Variants in SRGAP1 observed in about 807,000 individuals in gnomAD.
SRGAP1 encodes SLIT-ROBO Rho GTPase activating protein 1.
SRGAP1 carries 43 observed loss-of-function variants against 121.9 expected under a neutral mutation model. The observed-to-expected ratio is 0.35, with a 90% CI of 0.28 to 0.46. The LOEUF (loss-of-function observed/expected upper bound fraction) is 0.46. Ranked by LOEUF, SRGAP1 falls within the 20% of genes least tolerant of loss-of-function variation. The pLI is 1.00. For missense variants in SRGAP1, 1,102 were observed against 1,350.9 expected, an observed-to-expected ratio of 0.82 and a Z score of 2.89; for synonymous variants, 447 against 485.4, an observed-to-expected ratio of 0.92 and a Z score of 1.04.
At chr12:64,040,115 A>C (rs1259159627) in intron 4 of SRGAP1, among the ~76,000 whole-genome samples, 1 of 152,198 alleles carries the variant, frequency 6.6e-6, no homozygotes, top group Non-Finnish European at 1.5e-5. Flanking sequence ...TTTACCCTTC[A>C]AAATAGTCAT....
rs141631832 is a variant in SRGAP1 at position 63,956,992 on chromosome 12, C to T, written c.68-26955C>T. Among the ~76,000 whole-genome samples the T allele has an allele frequency of 7.6e-3, 1,156 of 152,272 alleles. 7 individuals are homozygous for T. Among genetic ancestry groups the T allele is most frequent in the South Asian group, 0.036 (176 of 4,824 alleles). On this transcript the variant is annotated intron_variant, in intron 1 of 21. Transcript: ENST00000355086. ...ATATTTGTCCTTTTATGTCTGTCCT[C>T]ATTCATTTAGCATAATATTTTGAAG...
At chr12:63,937,759 C>T (rs1431628088) in intron 1 of SRGAP1, among the ~76,000 whole-genome samples, 1 of 152,210 alleles carries the variant, frequency 6.6e-6, no homozygotes, top group Non-Finnish European at 1.5e-5. Context: ...AAACTGCTGT[C>T]CCTCACTAAT....
intron 1 of SRGAP1, among the ~76,000 whole-genome samples, chr12:63,906,302 T>C (rs1326104950): frequency 6.6e-6 from 1 of 152,082 alleles, no homozygotes; most frequent in East Asian, 1.9e-4. Flanking sequence ...GTTCTTTTTT[T>C]GTTTGTTTCT....
chr12:64,123,672 ATTT>A (rs1208659211), intron 18 of SRGAP1, among the ~76,000 whole-genome samples: 3,050 of 150,306 alleles, frequency 0.02, 128 homozygotes, highest in African/African-American at 0.071. Context: ...TTATTTATTT[ATTT>A]ATTTATTTAT....
At chr12:64,027,937 T>G (rs948373511) in intron 4 of SRGAP1, among the ~76,000 whole-genome samples, 1 of 152,206 alleles carries the variant, frequency 6.6e-6, no homozygotes, top group Non-Finnish European at 1.5e-5. Flanking sequence ...GATTCTGAAG[T>G]ATCTTGGGTC....
At chr12:63,966,812 G>A (rs960589073) in intron 1 of SRGAP1, among the ~76,000 whole-genome samples, 18 of 152,124 alleles carry the variant, frequency 1.2e-4, no homozygotes, top group African/African-American at 4.1e-4. Flanking sequence ...TAAGTAAATC[G>A]GCTCCCCTTC....
chr12:64,078,193 C>T (rs1425912984), intron 8 of SRGAP1, among the ~76,000 whole-genome samples: 2 of 152,106 alleles, frequency 1.3e-5, no homozygotes, highest in Admixed American at 6.6e-5. Context: ...AGTTAAGCAG[C>T]AATTCTATTC....
intron 1 of SRGAP1, among the ~76,000 whole-genome samples, chr12:63,875,707 T>C (rs945603493): frequency 6.6e-6 from 1 of 152,186 alleles, no homozygotes; most frequent in African/African-American, 2.4e-5. Flanking sequence ...GGTGGGACAG[T>C]AAGAGTGTAT....
chr12:63,876,703 G>A (rs1264461474), intron 1 of SRGAP1, among the ~76,000 whole-genome samples: 2 of 152,108 alleles, frequency 1.3e-5, no homozygotes, highest in Non-Finnish European at 1.5e-5. Flanking sequence ...TCTAAGATAA[G>A]CATGTGATTT....
chr12:64,087,192 G>C (rs2035962628), intron 11 of SRGAP1, among the ~76,000 whole-genome samples, 166 bp downstream of exon 11: 1 of 152,118 alleles, frequency 6.6e-6, no homozygotes. Flanking sequence ...TACAAGACTA[G>C]GTATGTTCTA....
intron 4 of SRGAP1, among the ~76,000 whole-genome samples, chr12:64,029,735 G>T (rs1173687895): frequency 2.3e-5 from 3 of 129,310 alleles, no homozygotes; most frequent in Non-Finnish European, 3.3e-5. Flanking sequence ...GGTGGCTCAC[G>T]CCTGTAATCC....
intron 1 of SRGAP1, among the ~76,000 whole-genome samples, chr12:63,924,937 C>T (rs895832368): frequency 6.6e-6 from 1 of 152,142 alleles, no homozygotes; most frequent in African/African-American, 2.4e-5. Context: ...AAATTTTTGT[C>T]TTAAAAAATG....
At chr12:64,119,564 G>C (rs789728) in intron 18 of SRGAP1, among the ~76,000 whole-genome samples, 1,637 of 151,956 alleles carry the variant, frequency 0.011, 35 homozygotes, top group African/African-American at 0.038. Flanking sequence ...TTTCTCTGTA[G>C]AGATTTTTTT....
At chr12:64,073,433 A>T (rs1214975718) in intron 8 of SRGAP1, among the ~76,000 whole-genome samples, 1 of 152,198 alleles carries the variant, frequency 6.6e-6, no homozygotes, top group Non-Finnish European at 1.5e-5. Flanking sequence ...CAGTGAACAC[A>T]CTTTAATTGC....
At chr12:63,914,293 G>A (rs1289091458) in intron 1 of SRGAP1, among the ~76,000 whole-genome samples, 1 of 152,128 alleles carries the variant, frequency 6.6e-6, no homozygotes, top group Non-Finnish European at 1.5e-5. Flanking sequence ...CAACCACAGT[G>A]CTTGGTATAA....
chr12:64,017,884 T>C (rs7305211), intron 4 of SRGAP1, among the ~76,000 whole-genome samples: 1 of 152,134 alleles, frequency 6.6e-6, no homozygotes, highest in Non-Finnish European at 1.5e-5. Flanking sequence ...AAAACTACTT[T>C]ATTAAAAATA....
chr12:64,027,823 T>C (rs1345708403), intron 4 of SRGAP1, among the ~76,000 whole-genome samples: 1 of 151,558 alleles, frequency 6.6e-6, no homozygotes, highest in Non-Finnish European at 1.5e-5. Context: ...AATATACGTG[T>C]CAATTTCCGA....
chr12:63,999,229 G>A (rs918765350), intron 3 of SRGAP1, among the ~76,000 whole-genome samples: 1 of 152,190 alleles, frequency 6.6e-6, no homozygotes, highest in African/African-American at 2.4e-5. Flanking sequence ...ATGGGAGAGG[G>A]CAGATGGCAA....
intron 1 of SRGAP1, among the ~76,000 whole-genome samples, chr12:63,904,989 G>A (rs931395494): frequency 1.3e-5 from 2 of 152,078 alleles, no homozygotes; most frequent in African/African-American, 4.8e-5. Context: ...TTTTACCTTT[G>A]CTGCCTGCTA....
Sources: allele counts gnomAD v4.1 joint callset (sites outside exome capture counted in the v4.1 genomes callset), GRCh38; gene constraint gnomAD v4.1.1; transcripts MANE v1.5; gene names NCBI Gene and HGNC (gene_info 2026-07-23, HGNC 2026-07-21).